Variants in NRXN3 observed in about 807,000 individuals in gnomAD.
The protein encoded by NRXN3 is neurexin III.
Under a neutral mutation model 137.6 loss-of-function variants are expected in NRXN3, and 32 were observed. The ratio of observed to expected loss-of-function variants is 0.23; its 90% CI spans 0.18 to 0.31. The LOEUF is 0.31. NRXN3 is among the 10% of genes least tolerant of loss of function. The pLI is 1.00. For missense variants in NRXN3, 1,574 were observed against 2,062.5 expected, an observed-to-expected ratio of 0.76 and a Z score of 4.59; for synonymous variants, 798 against 784.5, an observed-to-expected ratio of 1.02 and a Z score of -0.29.
chr14:79,331,212 A>AT (rs908117070), intron 15 of NRXN3, among the ~76,000 whole-genome samples: 11 of 151,826 alleles, frequency 7.2e-5, no homozygotes, highest in South Asian at 2.1e-4. Flanking sequence ...TGTAAATGAG[A>AT]TTTTTTTTTC....
chr14:78,882,374 A>G (rs2099131653), intron 10 of NRXN3, among the ~76,000 whole-genome samples: 1 of 151,776 alleles, frequency 6.6e-6, no homozygotes, highest in Admixed American at 6.5e-5. Flanking sequence ...AAAGCTGCAG[A>G]CACTCAACAG....
At chr14:79,223,946 G>A (rs182402970) in intron 15 of NRXN3, among the ~76,000 whole-genome samples, 223 of 152,108 alleles carry the variant, frequency 1.5e-3, no homozygotes, top group African/African-American at 5.2e-3. Context: ...TGTATGACGG[G>A]GAGGAGGAAT....
At chr14:79,285,419 G>A (rs2082073255) in intron 15 of NRXN3, among the ~76,000 whole-genome samples, 1 of 152,190 alleles carries the variant, frequency 6.6e-6, no homozygotes, top group African/African-American at 2.4e-5. Flanking sequence ...TTTCCTCCTT[G>A]TATTAGTTTG....
At chr14:78,210,081 A>C (rs1422526261) in intron 1 of NRXN3, among the ~76,000 whole-genome samples, 3 of 152,222 alleles carry the variant, frequency 2.0e-5, no homozygotes, top group Non-Finnish European at 2.9e-5. Flanking sequence ...ATCCCACCAC[A>C]CAAGGATCAC....
intron 15 of NRXN3, among the ~76,000 whole-genome samples, chr14:79,383,607 C>T (rs1442072704): frequency 1.3e-5 from 2 of 152,142 alleles, no homozygotes; most frequent in African/African-American, 2.4e-5. Flanking sequence ...ACTCACTGCT[C>T]CTCAGTCCTG....
rs569820622 is a variant in NRXN3, at chr14:78,436,250, A to G, written c.757+138390A>G. Among the ~76,000 whole-genome samples, 5 of 152,342 alleles carry G rather than the reference A, an allele frequency of 3.3e-5. No individual in the cohort carries two copies. In the South Asian group the frequency reaches 6.2e-4, roughly 19 times the overall value. On this transcript the variant is annotated intron_variant, in intron 4 of 20. Transcript: ENST00000335750. ...TGCTGTGGTGCCAAGTGGCTCAAGT[A>G]TAATTGAGTATATTAGTAATGATGC...
Position 79,634,477 on chromosome 14 carries a change from T to C in NRXN3, c.3445-29301T>C, listed in dbSNP as rs1603287988. ...TATCTCTTTTGATGAAGGAAGTCCT[T>C]TTTGTTTTTTGATACCATGTTGCTT... On this transcript the variant is annotated intron_variant, in intron 16 of 20. Transcript: ENST00000335750. Among the ~76,000 whole-genome samples the C allele has an allele frequency of 2.0e-5, 3 of 152,348 alleles. No individual in the cohort carries two copies. In the East Asian group the frequency reaches 5.8e-4, roughly 29 times the overall value.
chr14:79,738,392 C>G (rs1309867629), intron 19 of NRXN3, among the ~76,000 whole-genome samples: 1 of 150,954 alleles, frequency 6.6e-6, no homozygotes, highest in Non-Finnish European at 1.5e-5. Context: ...TGGAGTGAAG[C>G]AGCCACAAGC....
chr14:79,793,361 G>A (rs2099151392), intron 19 of NRXN3, among the ~76,000 whole-genome samples: 1 of 152,138 alleles, frequency 6.6e-6, no homozygotes, highest in African/African-American at 2.4e-5. Flanking sequence ...CTTGCAGTGA[G>A]CCGAGATCAA....
At chr14:78,915,777 T>A (rs904146253) in intron 10 of NRXN3, among the ~76,000 whole-genome samples, 3 of 152,090 alleles carry the variant, frequency 2.0e-5, no homozygotes, top group Non-Finnish European at 4.4e-5. Context: ...GGTAAAATTA[T>A]GTGGCCTTTT....
intron 1 of NRXN3, among the ~76,000 whole-genome samples, chr14:78,210,263 G>A (rs1336682274): frequency 6.6e-6 from 1 of 152,176 alleles, no homozygotes; most frequent in Non-Finnish European, 1.5e-5. Context: ...TCTTCAATGT[G>A]TGCTCACATG....
chr14:79,324,649 TAATG>T (rs1228909089), intron 15 of NRXN3, among the ~76,000 whole-genome samples: 1 of 152,194 alleles, frequency 6.6e-6, no homozygotes, highest in Non-Finnish European at 1.5e-5. Flanking sequence ...ATATTTATAA[TAATG>T]AGCCATTGGA....
At chr14:79,449,727 C>T (rs1254357364) in intron 15 of NRXN3, among the ~76,000 whole-genome samples, 1 of 152,154 alleles carries the variant, frequency 6.6e-6, no homozygotes, top group Non-Finnish European at 1.5e-5. Flanking sequence ...CAGTGGCTCA[C>T]GCCTGCAATC....
At chr14:78,505,509 A>G (rs1003711168) in intron 4 of NRXN3, among the ~76,000 whole-genome samples, 3 of 152,110 alleles carry the variant, frequency 2.0e-5, no homozygotes, top group Non-Finnish European at 4.4e-5. Flanking sequence ...AATGTATTGT[A>G]TGTTTCAAAA....
intron 10 of NRXN3, among the ~76,000 whole-genome samples, chr14:78,852,392 T>G (rs1021136337): frequency 2.0e-5 from 3 of 152,216 alleles, no homozygotes; most frequent in Non-Finnish European, 4.4e-5. Context: ...CTTATTACTA[T>G]AATGACATGA....
chr14:78,190,610 C>CATTTATTTATTTATTT (rs753449383), intron 1 of NRXN3, among the ~76,000 whole-genome samples: 5 of 146,758 alleles, frequency 3.4e-5, no homozygotes, highest in East Asian at 4.1e-4. Context: ...GTGTCAGTAA[C>CATTTATTTATTTATTT]ATTTATTTAT....
chr14:79,846,278 A>G (rs1603619196), intron 20 of NRXN3, among the ~76,000 whole-genome samples: 1 of 152,180 alleles, frequency 6.6e-6, no homozygotes, highest in East Asian at 1.9e-4. Context: ...ATATACCTGT[A>G]TTTGTTTTTA....
At chr14:78,378,985 G>T (rs1112573) in intron 4 of NRXN3, among the ~76,000 whole-genome samples, 44,897 of 151,692 alleles carry the variant, frequency 0.3, 8,047 homozygotes, top group Admixed American at 0.41. Context: ...AAAGAATACT[G>T]CAAAGCAACC....
intron 10 of NRXN3, among the ~76,000 whole-genome samples, chr14:78,925,568 C>T (rs1026839790): frequency 2.2e-4 from 33 of 152,182 alleles, no homozygotes; most frequent in Non-Finnish European, 2.9e-5. Context: ...CTCCCTATGT[C>T]AACACAGGTG....
Sources: gnomAD v4.1 joint callset for allele counts (sites outside exome capture counted in the v4.1 genomes callset) on GRCh38, gnomAD v4.1.1 for gene constraint, MANE v1.5 for transcripts, NCBI Gene and HGNC (gene_info 2026-07-23, HGNC 2026-07-21) for gene names.